Variants in WASHC3 observed in about 807,000 individuals in gnomAD.
WASHC3 encodes the protein WASH complex subunit CCDC53.
WASHC3 carries 24 observed loss-of-function variants against 26.1 expected under a neutral mutation model. The observed-to-expected ratio is 0.92, with a 90% CI of 0.66 to 1.29. The LOEUF (loss-of-function observed/expected upper bound fraction) is 1.29. WASHC3 is among the 50% of genes most tolerant of loss of function. The pLI is 0.00. For synonymous variants in WASHC3, 77 were observed against 75.7 expected (o/e 1.02, Z -0.09); for missense variants, 214 against 229.6 (o/e 0.93, Z 0.44).
At chr12:102,044,311 G>T in intron 3 of WASHC3, 99 bp from the exon 4 acceptor site, 1 of 448,538 alleles carries the variant, frequency 2.2e-6, no homozygotes, top group Non-Finnish European at 3.9e-6. Flanking sequence ...ATACAAATAG[G>T]TTCACAATAT....
At chr12:102,019,437 C>A in intron 6 of WASHC3, 1 of 319,364 alleles carries the variant, frequency 3.1e-6, no homozygotes, top group Non-Finnish European at 6.1e-6. Flanking sequence ...CCTTAAACTA[C>A]TAAAGTTTAG....
At chr12:102,046,799 A>C (rs568159467) in intron 2 of WASHC3, among the ~76,000 whole-genome samples, 126 of 152,310 alleles carry the variant, frequency 8.3e-4, no homozygotes, top group Non-Finnish European at 1.2e-3. Context: ...TGAATGAAGA[A>C]ATTTTTTCAT....
intron 2 of WASHC3, among the ~76,000 whole-genome samples, chr12:102,057,997 T>A (rs995773795): frequency 6.6e-6 from 1 of 152,106 alleles, no homozygotes; most frequent in Non-Finnish European, 1.5e-5. Context: ...TCACACTCTC[T>A]GATTTGAAAA....
At chr12:102,023,366 T>A (rs1294833617) in intron 6 of WASHC3, among the ~76,000 whole-genome samples, 3 of 152,144 alleles carry the variant, frequency 2.0e-5, no homozygotes, top group Admixed American at 2.0e-4. Context: ...GTTATATGAG[T>A]TTGTCTTACT....
intron 3 of WASHC3, among the ~76,000 whole-genome samples, chr12:102,044,521 T>G (rs958190010): frequency 9.2e-5 from 14 of 152,232 alleles, no homozygotes; most frequent in African/African-American, 3.1e-4. Context: ...ACAAGCTGTG[T>G]GATCTTGTGT....
intron 4 of WASHC3, 192 bp downstream of exon 4, chr12:102,043,913 A>G (rs1010209658): frequency 5.8e-6 from 2 of 345,978 alleles, no homozygotes; most frequent in South Asian, 6.5e-5. Flanking sequence ...ACAGGCAAAG[A>G]AAGTATTAAC....
At chr12:102,015,040 T>C (rs899383584) in intron 6 of WASHC3, among the ~76,000 whole-genome samples, 1 of 152,170 alleles carries the variant, frequency 6.6e-6, no homozygotes, top group Non-Finnish European at 1.5e-5. Flanking sequence ...TGTCGATTCA[T>C]GCCTGTAATC....
intron 5 of WASHC3, among the ~76,000 whole-genome samples, chr12:102,038,391 C>A (rs572789124): frequency 6.6e-6 from 1 of 152,222 alleles, no homozygotes; most frequent in Admixed American, 6.5e-5. Context: ...GATTTCAGGG[C>A]ATTTTTACAG....
At position 102,061,222 on chromosome 12, in the gene WASHC3, C is replaced by G. The variant is rs1430144554; in HGVS notation, c.150+26G>C. ...AGTGAAAGGTGATTTCCAGGCGACTCTATAAACCAGTATCACCGGACCTAC... is the reference window on the plus strand; with the variant it reads ...AGTGAAAGGTGATTTCCAGGCGACTGTATAAACCAGTATCACCGGACCTAC... On this transcript the variant is annotated intron_variant, in intron 2 of 6. Coordinates refer to ENST00000240079, the MANE Select transcript of WASHC3 (RefSeq NM_016053.4). 3 of 1,505,746 alleles carry G rather than the reference C, an allele frequency of 2.0e-6. No individual in the cohort carries two copies. In the East Asian group the frequency reaches 6.8e-5, roughly 34 times the overall value. 93.3% of individuals were successfully genotyped at this position (1,505,746 alleles called of 1,614,324 possible).
At chr12:102,046,800 AT>A (rs1878186584) in intron 2 of WASHC3, among the ~76,000 whole-genome samples, 1 of 152,148 alleles carries the variant, frequency 6.6e-6, no homozygotes, top group Admixed American at 6.5e-5. Flanking sequence ...GAATGAAGAA[AT>A]TTTTTCATAG....
intron 6 of WASHC3, among the ~76,000 whole-genome samples, chr12:102,022,831 T>C (rs1363278824): frequency 6.6e-6 from 1 of 152,192 alleles, no homozygotes; most frequent in Non-Finnish European, 1.5e-5. Context: ...TGAAAGAATA[T>C]TTAAGGCGCG....
At chr12:102,052,691 C>T (rs999092711) in intron 2 of WASHC3, among the ~76,000 whole-genome samples, 5 of 152,146 alleles carry the variant, frequency 3.3e-5, no homozygotes, top group African/African-American at 1.2e-4. Flanking sequence ...AAGTCAGCTC[C>T]TGTGGCCCCA....
intron 3 of WASHC3, among the ~76,000 whole-genome samples, chr12:102,044,609 A>G (rs926381835): frequency 1.3e-5 from 2 of 152,094 alleles, no homozygotes; most frequent in African/African-American, 4.8e-5. Flanking sequence ...TTGTAAAAAT[A>G]TTTCTATTGA....
At chr12:102,047,318 G>A (rs902842619) in intron 2 of WASHC3, among the ~76,000 whole-genome samples, 1 of 152,164 alleles carries the variant, frequency 6.6e-6, no homozygotes, top group Admixed American at 6.5e-5. Context: ...TGGTCACTTT[G>A]CCCACAATTA....
At chr12:102,024,228 A>G (rs1374440876) in intron 6 of WASHC3, among the ~76,000 whole-genome samples, 4 of 152,208 alleles carry the variant, frequency 2.6e-5, no homozygotes, top group Non-Finnish European at 4.4e-5. Flanking sequence ...TCTATGCAAT[A>G]CTAAGATGTT....
chr12:102,038,460 T>C (rs1877771276), intron 5 of WASHC3, among the ~76,000 whole-genome samples: 1 of 152,240 alleles, frequency 6.6e-6, no homozygotes, highest in Non-Finnish European at 1.5e-5. Context: ...AAGAAGGGGC[T>C]AACATAAAAA....
At chr12:102,022,773 G>A (rs1243104927) in intron 6 of WASHC3, among the ~76,000 whole-genome samples, 1 of 152,120 alleles carries the variant, frequency 6.6e-6, no homozygotes, top group East Asian at 1.9e-4. Context: ...ACCAGGATGG[G>A]GTGAAACTTT....
At chr12:102,037,696 T>G (rs987812761) in intron 5 of WASHC3, among the ~76,000 whole-genome samples, 7 of 152,212 alleles carry the variant, frequency 4.6e-5, no homozygotes, top group African/African-American at 1.7e-4. Context: ...CTTGGGCCTG[T>G]GAAGGATCTT....
intron 6 of WASHC3, among the ~76,000 whole-genome samples, chr12:102,014,117 CT>C (rs66678713): frequency 1 from 138,634 of 138,636 alleles, 69,316 homozygotes; most frequent in Middle Eastern, 1. Flanking sequence ...GAGTCTCGCT[CT>C]TGTCACCAGG....
Sources: allele counts gnomAD v4.1 joint callset (sites outside exome capture counted in the v4.1 genomes callset), GRCh38; gene constraint gnomAD v4.1.1; transcripts MANE v1.5; gene names NCBI Gene and HGNC (gene_info 2026-07-23, HGNC 2026-07-21).